Variants in PTPRD observed in about 807,000 individuals in gnomAD.
PTPRD encodes the protein protein tyrosine phosphatase receptor type D, also known as receptor-type tyrosine-protein phosphatase delta.
In PTPRD, 34 loss-of-function variants were observed where a neutral mutation model predicts 214.5. The observed-to-expected ratio is 0.16, with a 90% confidence interval of 0.12 to 0.21. The LOEUF (loss-of-function observed/expected upper bound fraction) is 0.21. Ranked by LOEUF, PTPRD falls within the 10% of genes least tolerant of loss-of-function variation. The pLI is 1.00. For synonymous variants in PTPRD, 1,128 were observed against 845.7 expected (o/e 1.33, Z -5.79); for missense variants, 2,545 against 2,398.7 (o/e 1.06, Z -1.27).
At chr9:9,381,683 T>G (rs906932066) in intron 9 of PTPRD, among the ~76,000 whole-genome samples, 3 of 148,016 alleles carry the variant, frequency 2.0e-5, no homozygotes, top group Non-Finnish European at 4.5e-5. Flanking sequence ...TTTGTTTTTT[T>G]TTGTTGTTTT....
At chr9:10,410,695 C>G (rs1046082159) in intron 2 of PTPRD, among the ~76,000 whole-genome samples, 1 of 151,674 alleles carries the variant, frequency 6.6e-6, no homozygotes, top group Admixed American at 6.6e-5. Context: ...TTGATTCAGA[C>G]AAAGATTTAT....
At chr9:10,504,835 G>A (rs1242318431) in intron 2 of PTPRD, among the ~76,000 whole-genome samples, 2 of 152,000 alleles carry the variant, frequency 1.3e-5, no homozygotes, top group South Asian at 4.2e-4. Context: ...CCTTCTCCCT[G>A]CCAAGATGAA....
rs1216881189 is a variant in PTPRD at position 8,648,351 on chromosome 9, T to C, written c.65-11507A>G. 3.9e-5 allele frequency among the ~76,000 whole-genome samples: 6 copies of C among 152,330 alleles called. No individual in the cohort carries two copies. In the East Asian group the frequency reaches 1.2e-3, roughly 29 times the overall value. On this transcript the variant is annotated intron_variant, in intron 12 of 45. Transcript: ENST00000381196. ...CTTCCTGAACTATTGATGTGCTTAG[T>C]AAGGCTGGCCATTCTGTTTTGGTGT...
At chr9:10,463,543 A>G (rs1168498215) in intron 2 of PTPRD, among the ~76,000 whole-genome samples, 1 of 152,194 alleles carries the variant, frequency 6.6e-6, no homozygotes, top group African/African-American at 2.4e-5. Context: ...AACTACAAAA[A>G]AAGTGTTGAG....
intron 8 of PTPRD, among the ~76,000 whole-genome samples, chr9:9,456,664 T>C (rs1392928710): frequency 6.6e-6 from 1 of 151,942 alleles, no homozygotes; most frequent in Admixed American, 6.6e-5. Flanking sequence ...TTATGAGCTA[T>C]ACATTTCATA....
intron 8 of PTPRD, among the ~76,000 whole-genome samples, chr9:9,407,695 T>A (rs2073989292): frequency 6.6e-6 from 1 of 151,838 alleles, no homozygotes; most frequent in Admixed American, 6.6e-5. Flanking sequence ...TCTTTACTTG[T>A]TCCTCTGTAA....
At chr9:10,327,188 T>TAC (rs1565316155) in intron 3 of PTPRD, among the ~76,000 whole-genome samples, 24 of 148,606 alleles carry the variant, frequency 1.6e-4, no homozygotes. Context: ...TATATATATA[T>TAC]ATATATATAT....
intron 2 of PTPRD, among the ~76,000 whole-genome samples, chr9:10,417,640 C>A (rs1247721919): frequency 6.6e-6 from 1 of 151,446 alleles, no homozygotes; most frequent in African/African-American, 2.4e-5. Flanking sequence ...GATTCTGAAG[C>A]ATTTAGTAAT....
intron 4 of PTPRD, among the ~76,000 whole-genome samples, chr9:9,982,104 G>A (rs2095561200): frequency 6.6e-6 from 1 of 152,138 alleles, no homozygotes; most frequent in Non-Finnish European, 1.5e-5. Context: ...ACAGCTTCTT[G>A]AGCCGAACAT....
intron 14 of PTPRD, among the ~76,000 whole-genome samples, chr9:8,556,314 T>C (rs2083737654): frequency 6.6e-6 from 1 of 152,208 alleles, no homozygotes; most frequent in African/African-American, 2.4e-5. Context: ...GGGTCAAAGT[T>C]GAAATTCTGT....
chr9:9,599,720 T>C (rs2093616490), intron 7 of PTPRD, among the ~76,000 whole-genome samples: 1 of 152,074 alleles, frequency 6.6e-6, no homozygotes, highest in Non-Finnish European at 1.5e-5. Flanking sequence ...TCAGTATTTC[T>C]AGAATTCCTG....
intron 2 of PTPRD, among the ~76,000 whole-genome samples, chr9:10,381,037 C>T (rs75039787): frequency 0.019 from 2,927 of 151,536 alleles, 73 homozygotes; most frequent in African/African-American, 0.06. Flanking sequence ...ATTAGTAGGA[C>T]GCTCAACTCA....
intron 14 of PTPRD, among the ~76,000 whole-genome samples, chr9:8,533,454 T>C (rs543311818): frequency 1.6e-4 from 24 of 152,196 alleles, no homozygotes; most frequent in African/African-American, 5.5e-4. Context: ...TCAATGCTTC[T>C]TCAAGTGCAG....
At chr9:10,403,262 A>ATATATATATATATATATTAT in intron 2 of PTPRD, among the ~76,000 whole-genome samples, 1 of 138,770 alleles carries the variant, frequency 7.2e-6, no homozygotes, top group Admixed American at 7.3e-5. Flanking sequence ...ATATATATGA[A>ATATATATATATATATATTAT]AAATGTAGTG....
intron 6 of PTPRD, among the ~76,000 whole-genome samples, chr9:9,738,274 A>C (rs2098335827): frequency 6.6e-6 from 1 of 152,110 alleles, no homozygotes; most frequent in African/African-American, 2.4e-5. Flanking sequence ...TTCAAACAAC[A>C]ACAACAAAAA....
At chr9:8,822,913 A>G (rs932469817) in intron 11 of PTPRD, among the ~76,000 whole-genome samples, 1 of 152,112 alleles carries the variant, frequency 6.6e-6, no homozygotes, top group Non-Finnish European at 1.5e-5. Context: ...CATTCCTCCA[A>G]ACTAAGCCCA....
At chr9:9,732,705 G>A (rs150163199) in intron 7 of PTPRD, among the ~76,000 whole-genome samples, 3 of 152,132 alleles carry the variant, frequency 2.0e-5, no homozygotes, top group Non-Finnish European at 4.4e-5. Context: ...TCCATTTGCA[G>A]AAAGTGCTGA....
At chr9:8,692,823 T>C (rs956619153) in intron 12 of PTPRD, among the ~76,000 whole-genome samples, 2 of 152,190 alleles carry the variant, frequency 1.3e-5, no homozygotes, top group Non-Finnish European at 2.9e-5. Flanking sequence ...AAACACAGTT[T>C]TTAACATGTG....
At chr9:8,482,022 C>A (rs1176456259) in intron 30 of PTPRD, among the ~76,000 whole-genome samples, 1 of 152,056 alleles carries the variant, frequency 6.6e-6, no homozygotes, top group East Asian at 1.9e-4. Context: ...ACCTTGTGAT[C>A]TGCCCGCCTC....
Sources: allele counts gnomAD v4.1 joint callset (sites outside exome capture counted in the v4.1 genomes callset), GRCh38; gene constraint gnomAD v4.1.1; transcripts MANE v1.5; gene names NCBI Gene and HGNC (gene_info 2026-07-23, HGNC 2026-07-21).